Variants in PM20D2 observed in about 807,000 individuals in gnomAD.
PM20D2 encodes the protein xaa-Arg dipeptidase.
In PM20D2, 33 loss-of-function variants were observed where a neutral mutation model predicts 42.9. That is an observed-to-expected ratio of 0.77 (90% CI 0.58 to 1.03). The LOEUF is 1.03. PM20D2 is among the 50% of genes least tolerant of loss of function. The pLI is 0.00. For missense variants in PM20D2, 548 were observed against 557.0 expected, an observed-to-expected ratio of 0.98 and a Z score of 0.16; for synonymous variants, 250 against 228.2, an observed-to-expected ratio of 1.10 and a Z score of -0.86.
Position 89,155,379 on chromosome 6 carries a change from A to G in PM20D2, c.912+477A>G, listed in dbSNP as rs116805395. Among the ~76,000 whole-genome samples, 1,191 of 147,242 alleles carry G rather than the reference A, an allele frequency of 8.1e-3. 15 individuals are homozygous for G. Among genetic ancestry groups the G allele is most frequent in the African/African-American group, 0.029 (1,135 of 39,536 alleles). On this transcript the variant is annotated intron_variant, in intron 4 of 6. Transcript: ENST00000275072. ...AACCTCCGCCTTCCAGGCTGAAGCA[A>G]TCCTCTCACCTCTGCCTCCCACCTC...
intron 3 of PM20D2, among the ~76,000 whole-genome samples, chr6:89,153,659 G>A (rs962752738): frequency 4.6e-5 from 7 of 152,122 alleles, no homozygotes; most frequent in African/African-American, 9.7e-5. Context: ...GTGCAGTGGT[G>A]CAATCTCGGC....
the PM20D2 span, among the ~76,000 whole-genome samples, chr6:89,135,930 G>A: frequency 6.6e-6 from 1 of 151,054 alleles, no homozygotes; most frequent in South Asian, 2.1e-4. Flanking sequence ...ATATACTTAT[G>A]GTGTTGCCCA....
intron 1 of PM20D2, 50 bp downstream of exon 1, chr6:89,146,659 G>GCCCC: frequency 1.5e-6 from 2 of 1,322,842 alleles, no homozygotes; most frequent in Non-Finnish European, 1.9e-6. Context: ...CGGGTCGGGG[G>GCCCC]CGACCCGGGA....
chr6:89,134,826 A>G, the PM20D2 span, among the ~76,000 whole-genome samples: 1 of 151,304 alleles, frequency 6.6e-6, no homozygotes, highest in African/African-American at 2.5e-5. Context: ...GGGATGCAAG[A>G]TAGGGCAGGG....
intron 4 of PM20D2, among the ~76,000 whole-genome samples, 161 bp downstream of exon 4, chr6:89,155,063 G>A (rs565394004): frequency 6.6e-6 from 1 of 152,106 alleles, no homozygotes; most frequent in South Asian, 2.1e-4. Context: ...ATTTTTACAC[G>A]TTTCATTCCT....
Position 89,146,353 on chromosome 6 carries a change from C to G in PM20D2, c.209C>G (p.Pro70Arg), listed in dbSNP as rs1394218853. ...CTGACGCACTTCTTCGAGCGGGAGC[C>G]GCCCGCGGCCTCCTGGGCAGTGCAG... ...RVLTHFFERE[P>R]PAASWAVQPH... The change falls in exon 1 of 7, where the codon CCG (proline) becomes CGG (arginine). Residue 70 changes from proline to arginine, a missense_variant. Physicochemically the swap from Pro to Arg is moderately radical, Grantham distance 103 (BLOSUM62 -2). Coordinates refer to ENST00000275072, the MANE Select transcript of PM20D2 (RefSeq NM_001010853.3). 3 of 1,554,934 alleles carry G rather than the reference C, an allele frequency of 1.9e-6. No individual in the cohort carries two copies. In the Admixed American group the frequency reaches 5.7e-5, roughly 29 times the overall value.
At chr6:89,096,915 G>A in the PM20D2 span, 1 of 152,154 alleles carries the variant, frequency 6.6e-6, no homozygotes, top group Non-Finnish European at 1.5e-5. Flanking sequence ...ATTTTCAGTA[G>A]TGCCACATAA....
the PM20D2 span, chr6:89,098,460 T>C: frequency 1.5e-6 from 2 of 1,292,884 alleles, no homozygotes; most frequent in Admixed American, 2.9e-5. Flanking sequence ...TTCTTCCATA[T>C]GCCCAAAGTA....
chr6:89,112,489 C>G, the PM20D2 span, among the ~76,000 whole-genome samples: 2 of 149,152 alleles, frequency 1.3e-5, no homozygotes, highest in Non-Finnish European at 3.0e-5. Flanking sequence ...CTCTGTTGCC[C>G]AGGCTGCAGT....
chr6:89,118,714 C>G, the PM20D2 span, among the ~76,000 whole-genome samples: 1 of 152,350 alleles, frequency 6.6e-6, no homozygotes, highest in East Asian at 1.9e-4. Context: ...TATTGAGCGT[C>G]TACTATGCGC....
At chr6:89,113,683 C>G in the PM20D2 span, among the ~76,000 whole-genome samples, 1 of 152,036 alleles carries the variant, frequency 6.6e-6, no homozygotes. Context: ...GAGTCTCACT[C>G]TCACCCCCGG....
At chr6:89,104,529 C>T in the PM20D2 span, among the ~76,000 whole-genome samples, 26 of 152,124 alleles carry the variant, frequency 1.7e-4, no homozygotes, top group South Asian at 3.1e-3. Flanking sequence ...AGCCACTGCA[C>T]GCGGCTGAGT....
rs1402807182 is a variant in PM20D2 at position 89,161,925 on chromosome 6, A to G, written c.1156+35A>G. On this transcript the variant is annotated intron_variant, in intron 6 of 6. Coordinates refer to ENST00000275072, the MANE Select transcript of PM20D2 (RefSeq NM_001010853.3). ...GTTGGATGTGACTGTTTTGGCACACACACTCTTCTTCTGGTAGTAGCTGCC... is the reference window on the plus strand; with the variant it reads ...GTTGGATGTGACTGTTTTGGCACACGCACTCTTCTTCTGGTAGTAGCTGCC... 4 of 1,543,278 alleles carry G rather than the reference A, an allele frequency of 2.6e-6. 1 individual carries two copies. In the South Asian group the frequency reaches 4.5e-5, roughly 17 times the overall value.
chr6:89,153,163 G>C lies in PM20D2; in HGVS notation c.735G>C (p.Met245Ile). The stretch of plus-strand genomic sequence containing the variant: ...ATCTGTCTGTGTTCAGACAGCAAAT[G>C]AAACCAACCTGGAGAGTTCATGGTA... Reference protein sequence around the residue: ...YNNLSVFRQQMKPTWRVHGII... With the variant: ...YNNLSVFRQQIKPTWRVHGII... The change falls in exon 3 of 7, where the codon ATG becomes ATC. Residue 245 changes from methionine to isoleucine, a missense_variant. Met to Ile is a conservative substitution (Grantham distance 10, BLOSUM62 1). Coordinates refer to ENST00000275072, the MANE Select transcript of PM20D2 (RefSeq NM_001010853.3). 1 of 1,607,238 alleles carries C rather than the reference G, an allele frequency of 6.2e-7. No homozygotes were observed. Among genetic ancestry groups the C allele is most frequent in the Non-Finnish European group, 8.5e-7 (1 of 1,177,310 alleles).
At chr6:89,117,292 T>C in the PM20D2 span, among the ~76,000 whole-genome samples, 1 of 152,176 alleles carries the variant, frequency 6.6e-6, no homozygotes, top group Non-Finnish European at 1.5e-5. Context: ...GTGAATAAAA[T>C]GCAAGCAGCA....
chr6:89,149,446 G>A (rs1770753593), intron 2 of PM20D2, 33 bp downstream of exon 2: 3 of 1,607,172 alleles, frequency 1.9e-6, no homozygotes, highest in Non-Finnish European at 2.6e-6. Flanking sequence ...AACTTCTTAG[G>A]GGAACACAGG....
Position 89,146,610 on chromosome 6 carries a change from G to A in PM20D2, c.465+1G>A, listed in dbSNP as rs1770571510. On this transcript the variant is annotated splice_donor_variant, in intron 1 of 6. Coordinates refer to ENST00000275072, the MANE Select transcript of PM20D2 (RefSeq NM_001010853.3). LOFTEE classifies it high-confidence loss of function. The stretch of plus-strand genomic sequence containing the variant: ...CCCCAGGCCGCCTCCGCCCGTGAAG[G>A]TGAGGTGGGGCCCGGGTGCGGGACC... The A allele has an allele frequency of 7.0e-7, 1 of 1,431,554 alleles. No individual in the cohort carries two copies. The highest frequency in any genetic ancestry group is 9.1e-7 in the Non-Finnish European group (1 of 1,099,462). 88.7% of individuals were successfully genotyped at this position (1,431,554 alleles called of 1,614,324 possible). A position where few individuals can be genotyped will look rare whatever the true frequency, so the allele number is the denominator to read the frequency against.
the PM20D2 span, among the ~76,000 whole-genome samples, chr6:89,138,170 C>CT: frequency 2.0e-5 from 3 of 151,922 alleles, no homozygotes; most frequent in Non-Finnish European, 4.4e-5. Context: ...AGCCATTCTC[C>CT]TGCCTTGGCC....
chr6:89,148,202 C>A (rs1460301082), intron 1 of PM20D2, among the ~76,000 whole-genome samples: 6 of 151,988 alleles, frequency 3.9e-5, no homozygotes, highest in African/African-American at 1.4e-4. Flanking sequence ...TGGTATCGAA[C>A]TCCGGATCTC....
Sources: gnomAD v4.1 joint callset for allele counts (sites outside exome capture counted in the v4.1 genomes callset) on GRCh38, gnomAD v4.1.1 for gene constraint, MANE v1.5 for transcripts, NCBI Gene and HGNC (gene_info 2026-07-23, HGNC 2026-07-21) for gene names.